The following RBFOX3 variants were observed in gnomAD, a reference collection of about 807,000 sequenced individuals.
RBFOX3 encodes RNA binding fox-1 homolog 3, also known as RNA binding protein fox-1 homolog 3.
A neutral mutation model predicts 48.7 loss-of-function variants in RBFOX3; 17 were observed. The observed-to-expected ratio is 0.35, with a 90% confidence interval of 0.24 to 0.52. The LOEUF is 0.52. Among genes scored for constraint, RBFOX3 ranks in the 20% least tolerant of loss-of-function variants. RBFOX3 has a pLI of 0.94. For synonymous variants in RBFOX3, 212 were observed against 209.5 expected, an observed-to-expected ratio of 1.01 and a Z score of -0.10; for missense variants, 382 against 497.5, an observed-to-expected ratio of 0.77 and a Z score of 2.21.
At chr17:79,274,933 C>G (rs1034045261) in intron 3 of RBFOX3, among the ~76,000 whole-genome samples, 1 of 151,408 alleles carries the variant, frequency 6.6e-6, no homozygotes, top group Non-Finnish European at 1.5e-5. Flanking sequence ...ATTTTCACCC[C>G]CTCCCCACAC....
chr17:79,194,098 A>G (rs1216003091), intron 4 of RBFOX3, among the ~76,000 whole-genome samples: 2 of 152,188 alleles, frequency 1.3e-5, no homozygotes, highest in African/African-American at 4.8e-5. Context: ...TTTTGGTAAA[A>G]AAACAGAGAT....
intron 1 of RBFOX3, among the ~76,000 whole-genome samples, chr17:79,597,065 C>T (rs2093589058): frequency 6.6e-6 from 1 of 152,166 alleles, no homozygotes; most frequent in Non-Finnish European, 1.5e-5. Flanking sequence ...CTGCTGGCCA[C>T]ACGTAAGAAA....
chr17:79,463,732 CACCGCCATCACCACTGCCACCTCT>C (rs1363244093), intron 2 of RBFOX3, among the ~76,000 whole-genome samples: 23 of 151,804 alleles, frequency 1.5e-4, no homozygotes, highest in African/African-American at 2.2e-4. Context: ...CTGCCACCTC[CACCGCCATCACCACTGCCACCTCT>C]ACCGCCATCA....
intron 4 of RBFOX3, among the ~76,000 whole-genome samples, chr17:79,190,596 T>G (rs1397275661): frequency 6.6e-6 from 1 of 152,120 alleles, no homozygotes; most frequent in East Asian, 1.9e-4. Flanking sequence ...AGCTCTCCAC[T>G]GGGGGAGACC....
the RBFOX3 span, among the ~76,000 whole-genome samples, chr17:79,624,808 C>G: frequency 7.4e-6 from 1 of 134,292 alleles, no homozygotes; most frequent in African/African-American, 2.9e-5. Flanking sequence ...TTAGAAGGCA[C>G]CCCCGCCCCC....
Position 79,311,884 on chromosome 17 carries a change from G to A in RBFOX3, c.-174-4060C>T, listed in dbSNP as rs906901476. 6.6e-6 allele frequency among the ~76,000 whole-genome samples: 1 copy of A among 152,090 alleles called. No homozygotes were observed. The highest frequency in any genetic ancestry group is 1.5e-5 in the Non-Finnish European group (1 of 68,002). ...CATTCTCACGAACCTGGAACAAACCGGCCCTCCTGAATGTAAGGTCAGGCG... is the reference window on the plus strand; with the variant it reads ...CATTCTCACGAACCTGGAACAAACCAGCCCTCCTGAATGTAAGGTCAGGCG... On this transcript the variant is annotated intron_variant, in intron 2 of 14. Coordinates refer to ENST00000693108, the MANE Select transcript of RBFOX3 (RefSeq NM_001350451.2). This position sits in a 1 kb window ranked among gnomAD's most constrained non-coding sequence, Gnocchi z 4.2.
intron 5 of RBFOX3, among the ~76,000 whole-genome samples, chr17:79,110,118 CT>C (rs1299828749): frequency 8.3e-6 from 1 of 120,220 alleles, no homozygotes; most frequent in Admixed American, 9.0e-5. Context: ...CAGGGGCTTT[CT>C]TTCCCCCACT....
At chr17:79,382,671 G>C (rs934165626) in intron 2 of RBFOX3, among the ~76,000 whole-genome samples, 2 of 152,230 alleles carry the variant, frequency 1.3e-5, no homozygotes, top group Non-Finnish European at 2.9e-5. Context: ...GCATTTCCAA[G>C]GCTTCAGTGC....
intron 7 of RBFOX3, 60 bp downstream of exon 7, chr17:79,104,013 C>A (rs1465834238): frequency 7.0e-7 from 1 of 1,422,530 alleles, no homozygotes; most frequent in South Asian, 1.2e-5. Flanking sequence ...ACATTTCACA[C>A]GTTAGCCTGG....
chr17:79,415,700 A>T (rs1468599809), intron 2 of RBFOX3, among the ~76,000 whole-genome samples: 1 of 152,050 alleles, frequency 6.6e-6, no homozygotes, highest in East Asian at 1.9e-4. Context: ...CCTCGGAGGG[A>T]GGGGCTGGGG....
chr17:79,366,685 T>G (rs1228898803), intron 2 of RBFOX3, among the ~76,000 whole-genome samples: 1 of 152,158 alleles, frequency 6.6e-6, no homozygotes, highest in Non-Finnish European at 1.5e-5. Flanking sequence ...GGAGGATGAA[T>G]GCAGGGCCCC....
Position 79,360,483 on chromosome 17 carries a change from C to T in RBFOX3, c.-174-52659G>A, listed in dbSNP as rs546619904. Among the ~76,000 whole-genome samples the T allele has an allele frequency of 2.0e-5, 3 of 152,284 alleles. No individual in the cohort carries two copies. The South Asian group carries it at 6.2e-4, about 32-fold the overall frequency. ...CAGCTTCTGCAAAGGTGCCCGCGCT[C>T]AGCAGGGACGTGAACAGTTTTCTTG... is the stretch of plus-strand genomic sequence containing the variant. On this transcript the variant is annotated intron_variant, in intron 2 of 14. Transcript: ENST00000693108.
At chr17:79,114,823 G>C (rs1437632305) in intron 5 of RBFOX3, among the ~76,000 whole-genome samples, 2 of 152,182 alleles carry the variant, frequency 1.3e-5, no homozygotes, top group African/African-American at 2.4e-5. Flanking sequence ...TGGGGCTCTG[G>C]GGGGTGGGTG....
intron 4 of RBFOX3, among the ~76,000 whole-genome samples, chr17:79,201,814 C>T (rs2056803191): frequency 6.6e-6 from 1 of 152,200 alleles, no homozygotes; most frequent in East Asian, 1.9e-4. Context: ...ACTTCCCTGA[C>T]TCCGCTGGAG....
chr17:79,215,977 T>C (rs922769686), intron 4 of RBFOX3, among the ~76,000 whole-genome samples: 3 of 152,234 alleles, frequency 2.0e-5, no homozygotes, highest in Non-Finnish European at 4.4e-5. Flanking sequence ...CCCGATAGCC[T>C]TGCAAGCAGC....
intron 2 of RBFOX3, among the ~76,000 whole-genome samples, chr17:79,377,890 G>A (rs1359884503): frequency 6.6e-6 from 1 of 152,210 alleles, no homozygotes; most frequent in African/African-American, 2.4e-5. Context: ...ACTCTAGAGA[G>A]GGGGCAGGGC....
chr17:79,393,664 C>T (rs1163924568), intron 2 of RBFOX3, among the ~76,000 whole-genome samples: 2 of 151,988 alleles, frequency 1.3e-5, no homozygotes, highest in African/African-American at 4.8e-5. Flanking sequence ...CACACATGAT[C>T]TGAGCCTGTC....
intron 3 of RBFOX3, among the ~76,000 whole-genome samples, chr17:79,287,800 C>A (rs2072299016): frequency 6.6e-6 from 1 of 152,206 alleles, no homozygotes; most frequent in South Asian, 2.1e-4. Flanking sequence ...TTCCTGGACA[C>A]CTTGGCCTGT....
At chr17:79,224,350 G>C (rs2060080446) in intron 4 of RBFOX3, among the ~76,000 whole-genome samples, 1 of 152,184 alleles carries the variant, frequency 6.6e-6, no homozygotes, top group South Asian at 2.1e-4. Context: ...CGCCATCTGA[G>C]GCCACAGGCA....
Sources: allele counts gnomAD v4.1 joint callset (sites outside exome capture counted in the v4.1 genomes callset), GRCh38; gene constraint gnomAD v4.1.1; non-coding constraint Gnocchi (gnomAD v3.1); transcripts MANE v1.5; gene names NCBI Gene and HGNC (gene_info 2026-07-23, HGNC 2026-07-21).